Variants in SMYD3 observed in about 807,000 individuals in gnomAD.
SMYD3 encodes histone-lysine N-methyltransferase SMYD3.
Under a neutral mutation model 57.7 loss-of-function variants are expected in SMYD3, and 36 were observed. The ratio of observed to expected loss-of-function variants is 0.62; its 90% CI spans 0.48 to 0.82. The LOEUF (loss-of-function observed/expected upper bound fraction) is 0.82, where lower values mean the gene tolerates loss of function less well. SMYD3 is among the 40% of genes least tolerant of loss of function. The probability of loss-of-function intolerance (pLI) is 0.00; values close to 1 mark genes in which losing one functional copy is unlikely to be tolerated. For synonymous variants in SMYD3, 211 were observed against 195.0 expected (o/e 1.08, Z -0.68); for missense variants, 515 against 538.8 (o/e 0.96, Z 0.44).
intron 5 of SMYD3, chr1:245,953,125 T>C (rs2057718335): frequency 1.4e-6 from 1 of 737,642 alleles, no homozygotes; most frequent in African/African-American, 1.9e-5. Context: ...ATAAACACCT[T>C]TGGGTAAAGT....
chr1:245,749,681 G>C lies in SMYD3; in HGVS notation c.1186-17C>G. ...ATCAAAAGCCTAAAGAGAAAGGACG[G>C]AAGAGAGATTAGACCCCAAAATAGG... On this transcript the variant is annotated splice_polypyrimidine_tract_variant and intron_variant, in intron 11 of 11. Coordinates refer to ENST00000490107, the MANE Select transcript of SMYD3 (RefSeq NM_001167740.2). The C allele has an allele frequency of 6.2e-7, 1 of 1,606,124 alleles. No individual in the cohort carries two copies. The highest frequency in any genetic ancestry group is 1.1e-5 in the South Asian group (1 of 90,850).
At chr1:245,994,734 C>T (rs536529824) in intron 5 of SMYD3, among the ~76,000 whole-genome samples, 1 of 152,102 alleles carries the variant, frequency 6.6e-6, no homozygotes, top group East Asian at 1.9e-4. Context: ...CATTATCCAT[C>T]TATGTGCGGA....
chr1:246,297,594 C>T (rs957646051), intron 5 of SMYD3, among the ~76,000 whole-genome samples: 1 of 152,116 alleles, frequency 6.6e-6, no homozygotes, highest in African/African-American at 2.4e-5. Flanking sequence ...AAGGACAGAA[C>T]CTGAAATTAC....
At chr1:246,362,499 C>T in intron 1 of SMYD3, among the ~76,000 whole-genome samples, 1 of 150,556 alleles carries the variant, frequency 6.6e-6, no homozygotes, top group Non-Finnish European at 1.5e-5. Context: ...CACGGTCTCC[C>T]TCTGATGCCG....
chr1:246,023,473 C>T (rs1030132161), intron 5 of SMYD3, among the ~76,000 whole-genome samples: 9 of 152,132 alleles, frequency 5.9e-5, no homozygotes, highest in Admixed American at 3.9e-4. Flanking sequence ...ATTTCCCCCA[C>T]AGTTTTCAGT....
chr1:246,363,704 A>C (rs2066048904), intron 1 of SMYD3, among the ~76,000 whole-genome samples: 2 of 152,194 alleles, frequency 1.3e-5, no homozygotes, highest in South Asian at 4.2e-4. Context: ...GTGCTTTGTT[A>C]AACAGATGCT....
intron 10 of SMYD3, among the ~76,000 whole-genome samples, chr1:245,816,136 A>C (rs1215746665): frequency 6.6e-6 from 1 of 152,216 alleles, no homozygotes; most frequent in East Asian, 1.9e-4. Context: ...AAGCATAATA[A>C]ATAAAGAAGC....
chr1:245,825,128 C>A (rs577948966), intron 10 of SMYD3, among the ~76,000 whole-genome samples: 12 of 152,314 alleles, frequency 7.9e-5, no homozygotes, highest in Middle Eastern at 3.4e-3. Flanking sequence ...ATAACAGCCA[C>A]CCAGACACGT....
chr1:245,791,278 A>G (rs543448113), intron 10 of SMYD3, among the ~76,000 whole-genome samples: 57 of 152,292 alleles, frequency 3.7e-4, no homozygotes, highest in Non-Finnish European at 6.0e-4. Flanking sequence ...CTATTATGTT[A>G]CCTAGGAAAA....
chr1:246,128,733 A>C (rs547719578), intron 5 of SMYD3, among the ~76,000 whole-genome samples: 26 of 152,130 alleles, frequency 1.7e-4, no homozygotes, highest in South Asian at 8.3e-4. Flanking sequence ...TTCTCCCTTT[A>C]GGGGGTGAAA....
chr1:246,466,884 A>T (rs1389402914), intron 1 of SMYD3, among the ~76,000 whole-genome samples: 3 of 151,784 alleles, frequency 2.0e-5, no homozygotes, highest in African/African-American at 7.3e-5. Flanking sequence ...TTTTTTTAAA[A>T]ATGCTGGGCG....
intron 10 of SMYD3, among the ~76,000 whole-genome samples, chr1:245,856,851 T>C (rs1182903783): frequency 6.6e-6 from 1 of 152,142 alleles, no homozygotes; most frequent in Non-Finnish European, 1.5e-5. Flanking sequence ...AGGGTATTTT[T>C]CAGTCTGCAT....
chr1:245,753,676 T>C (rs2045489617), intron 11 of SMYD3, among the ~76,000 whole-genome samples: 1 of 152,130 alleles, frequency 6.6e-6, no homozygotes, highest in African/African-American at 2.4e-5. Context: ...TGTGTGGCCC[T>C]GGGCACAGCC....
intron 1 of SMYD3, among the ~76,000 whole-genome samples, chr1:246,444,258 T>C (rs1444132831): frequency 6.6e-6 from 1 of 152,000 alleles, no homozygotes; most frequent in Non-Finnish European, 1.5e-5. Context: ...CCCAAGTAGT[T>C]GGGATTACAG....
intron 5 of SMYD3, among the ~76,000 whole-genome samples, chr1:246,002,340 ACGCCCGGC>A (rs2059075511): frequency 1.6e-5 from 1 of 62,466 alleles, no homozygotes; most frequent in African/African-American, 4.4e-5. Flanking sequence ...TCCCGCCACC[ACGCCCGGC>A]TAATTTTTTG....
chr1:245,927,855 A>C (rs2056477990), intron 7 of SMYD3, 76 bp downstream of exon 7: 17 of 1,144,330 alleles, frequency 1.5e-5, no homozygotes, highest in Non-Finnish European at 2.2e-5. Flanking sequence ...AGGCACAATC[A>C]GTTTTAGGGA....
chr1:246,265,031 T>C (rs2064078152), intron 5 of SMYD3, among the ~76,000 whole-genome samples: 1 of 152,212 alleles, frequency 6.6e-6, no homozygotes, highest in Non-Finnish European at 1.5e-5. Context: ...AGAAGCATGC[T>C]AATGAAATAA....
intron 1 of SMYD3, among the ~76,000 whole-genome samples, chr1:246,463,929 C>T (rs1317360801): frequency 1.3e-5 from 2 of 150,568 alleles, no homozygotes; most frequent in Admixed American, 1.3e-4. Context: ...TAAGTAATTG[C>T]AACTCTGTAA....
At chr1:245,821,455 C>G (rs1396851088) in intron 10 of SMYD3, among the ~76,000 whole-genome samples, 2 of 148,788 alleles carry the variant, frequency 1.3e-5, no homozygotes, top group African/African-American at 2.4e-5. Context: ...AGAAGAAAAC[C>G]TAGGCATTAC....
Sources: allele counts gnomAD v4.1 joint callset (sites outside exome capture counted in the v4.1 genomes callset), GRCh38; gene constraint gnomAD v4.1.1; transcripts MANE v1.5; gene names NCBI Gene and HGNC (gene_info 2026-07-23, HGNC 2026-07-21).